Variants in ANK3 observed in about 807,000 individuals in gnomAD.
The protein encoded by ANK3 is ankyrin-3.
Under a neutral mutation model 370.9 loss-of-function variants are expected in ANK3, and 57 were observed. The observed-to-expected ratio is 0.15, with a 90% CI of 0.12 to 0.19. ANK3 has a LOEUF of 0.19. Among genes scored for constraint, ANK3 ranks in the 10% least tolerant of loss-of-function variants. The probability of loss-of-function intolerance (pLI) is 1.00; values close to 1 mark genes in which losing one functional copy is unlikely to be tolerated. For synonymous variants in ANK3, 1,929 were observed against 1,946.3 expected (o/e 0.99, Z 0.23); for missense variants, 4,439 against 5,302.1 (o/e 0.84, Z 5.06).
At chr10:60,046,029 G>A (rs973675116) in intron 42 of ANK3, among the ~76,000 whole-genome samples, 1 of 152,048 alleles carries the variant, frequency 6.6e-6, no homozygotes, top group East Asian at 1.9e-4. Flanking sequence ...GGTATAGGTG[G>A]AATGAAAATA....
chr10:60,517,231 T>C (rs2076241345), intron 2 of ANK3, among the ~76,000 whole-genome samples: 1 of 152,056 alleles, frequency 6.6e-6, no homozygotes, highest in East Asian at 1.9e-4. Flanking sequence ...CACTGGCTAA[T>C]TTTTGTATTT....
intron 1 of ANK3, among the ~76,000 whole-genome samples, chr10:60,632,947 T>C (rs2078505242): frequency 6.6e-6 from 1 of 152,112 alleles, no homozygotes; most frequent in African/African-American, 2.4e-5. Context: ...GCTGACTTTA[T>C]TGTAAAAATT....
At chr10:60,379,263 G>A (rs2132822618) in intron 1 of ANK3, among the ~76,000 whole-genome samples, 1 of 152,230 alleles carries the variant, frequency 6.6e-6, no homozygotes, top group Admixed American at 6.5e-5. Flanking sequence ...ATACACTGTT[G>A]GTGGGAATGT....
chr10:60,407,513 T>G lies in ANK3; in HGVS notation c.97-127874A>C, dbSNP rs553684112. The stretch of plus-strand genomic sequence containing the variant: ...CACCTTCTTTAATGGCTTACCAAAA[T>G]AATACCATCATAGCAATAATAGATC... On this transcript the variant is annotated intron_variant, in intron 2 of 43. Coordinates refer to the ANK3 transcript ENST00000373827. Among the ~76,000 whole-genome samples the G allele has an allele frequency of 4.6e-5, 7 of 152,338 alleles. No homozygotes were observed. The South Asian group carries it at 1.4e-3, about 32-fold the overall frequency.
At position 60,615,721 on chromosome 10, in the gene ANK3, T is replaced by C. The variant is rs376315885; in HGVS notation, c.58-497A>G. ...TACTGTAAATATTGTTTACCAAGGG[T>C]CAGAATAGCAAGGCTTGTAAAGCCA... On this transcript the variant is annotated intron_variant, in intron 1 of 43. Coordinates refer to the ANK3 transcript ENST00000373827. Among the ~76,000 whole-genome samples the C allele has an allele frequency of 3.3e-4, 51 of 152,292 alleles. 1 individual carries two copies. Among genetic ancestry groups the C allele is most frequent in the African/African-American group, 1.2e-3 (50 of 41,562 alleles).
chr10:60,367,123 G>T (rs71495639), intron 1 of ANK3, among the ~76,000 whole-genome samples: 3,374 of 152,264 alleles, frequency 0.022, 59 homozygotes, highest in Non-Finnish European at 0.033. Flanking sequence ...GAAGTCTTCA[G>T]GGAGAGACAA....
chr10:60,411,164 A>G (rs927524725), intron 2 of ANK3, among the ~76,000 whole-genome samples: 2 of 152,138 alleles, frequency 1.3e-5, no homozygotes, highest in African/African-American at 4.8e-5. Flanking sequence ...ACCAGAAACA[A>G]ACTTTTATTA....
intron 1 of ANK3, among the ~76,000 whole-genome samples, chr10:60,693,278 C>T (rs1454520387): frequency 1.3e-5 from 2 of 152,050 alleles, no homozygotes; most frequent in East Asian, 3.9e-4. Context: ...TCGCTGATTG[C>T]TAGCAGTCTG....
intron 1 of ANK3, chr10:60,615,332 A>G: frequency 1.5e-6 from 1 of 669,054 alleles, no homozygotes. Context: ...AAACATAGTA[A>G]GTTCCTTAAA....
At chr10:60,715,918 T>C (rs201648973) in intron 1 of ANK3, among the ~76,000 whole-genome samples, 2 of 204 alleles carry the variant, frequency 9.8e-3, no homozygotes, top group African/African-American at 0.048. Flanking sequence ...TCAAGAAATA[T>C]TAAATGTGTA....
rs2092116910 is a variant in ANK3, at chr10:60,106,015, T to C, written c.3218A>G (p.Lys1073Arg). The change falls in exon 28 of 44, where the codon AAA becomes AGA. Residue 1073 changes from lysine to arginine, a missense_variant. By Grantham distance (26) the Lys-to-Arg change is conservative. Transcript: ENST00000280772. ...TCGAAGAACAATGAGTTCTCTCTCT[T>C]TTCCTCTCATGGACCCAAAGTGAGG... ...EIPHFGSMRG[K>R]ERELIVLRSE... 3 of 1,612,592 alleles carry C rather than the reference T, an allele frequency of 1.9e-6. No homozygotes were observed. Among genetic ancestry groups the C allele is most frequent in the Middle Eastern group, 3.3e-4 (2 of 6,056 alleles).
chr10:60,371,372 G>A (rs2132785465), intron 1 of ANK3, among the ~76,000 whole-genome samples: 1 of 152,174 alleles, frequency 6.6e-6, no homozygotes, highest in Admixed American at 6.5e-5. Context: ...TCAGATGTTG[G>A]TGAGGCTGCA....
intron 7 of ANK3, among the ~76,000 whole-genome samples, chr10:60,253,550 A>G (rs1396595500): frequency 1.3e-5 from 2 of 152,240 alleles, no homozygotes; most frequent in African/African-American, 4.8e-5. Flanking sequence ...ATGAGATTGC[A>G]CAGCATAATT....
At chr10:60,133,625 CA>C (rs1368807404) in intron 25 of ANK3, among the ~76,000 whole-genome samples, 1 of 152,000 alleles carries the variant, frequency 6.6e-6, no homozygotes, top group Non-Finnish European at 1.5e-5. Context: ...GTTTGTTTAG[CA>C]AAATACAACA....
intron 7 of ANK3, among the ~76,000 whole-genome samples, chr10:60,252,829 C>T (rs756715273): frequency 7.9e-5 from 12 of 152,212 alleles, no homozygotes; most frequent in Non-Finnish European, 1.2e-4. Flanking sequence ...TTGGTGCCAT[C>T]GACCTGACCT....
chr10:60,100,521 A>C lies in ANK3; in HGVS notation c.3328+5384T>G, dbSNP rs867771164. ...ATACTGTTTATGTAGTCAGACAGTA[A>C]ATTTAAAAAATTTTCTGTTACATAG... is the stretch of plus-strand genomic sequence containing the variant. On this transcript the variant is annotated intron_variant, in intron 28 of 43. Transcript: ENST00000280772. Among the ~76,000 whole-genome samples the C allele has an allele frequency of 4.6e-5, 7 of 152,258 alleles. No individual in the cohort carries two copies. The Middle Eastern group carries it at 0.01, about 222-fold the overall frequency.
At chr10:60,644,555 CAA>C (rs1369431370) in intron 1 of ANK3, among the ~76,000 whole-genome samples, 11 of 151,996 alleles carry the variant, frequency 7.2e-5, no homozygotes, top group Admixed American at 5.9e-4. Flanking sequence ...AAAAATGCAG[CAA>C]AGAGATTTAT....
intron 2 of ANK3, among the ~76,000 whole-genome samples, chr10:60,408,720 T>C (rs1003204531): frequency 7.9e-5 from 12 of 152,162 alleles, no homozygotes; most frequent in Admixed American, 3.3e-4. Flanking sequence ...CAAAGTGCTA[T>C]CTCAAGAGAT....
intron 2 of ANK3, among the ~76,000 whole-genome samples, chr10:60,476,327 G>C (rs1387967552): frequency 6.6e-6 from 1 of 152,132 alleles, no homozygotes; most frequent in African/African-American, 2.4e-5. Context: ...GCCCACATGT[G>C]ACTTGATGAT....
Sources: gnomAD v4.1 joint callset for allele counts (sites outside exome capture counted in the v4.1 genomes callset) on GRCh38, gnomAD v4.1.1 for gene constraint, MANE v1.5 for transcripts, NCBI Gene and HGNC (gene_info 2026-07-23, HGNC 2026-07-21) for gene names.